Variants in EIPR1 observed in about 807,000 individuals in gnomAD.
EIPR1 encodes the protein EARP complex and GARP complex interacting protein 1, also known as EARP and GARP complex-interacting protein 1.
EIPR1 carries 25 observed loss-of-function variants against 48.1 expected under a neutral mutation model. The ratio of observed to expected loss-of-function variants is 0.52; its 90% CI spans 0.38 to 0.73. The LOEUF is 0.73. Among genes scored for constraint, EIPR1 ranks in the 30% least tolerant of loss-of-function variants. The pLI, the probability that EIPR1 is intolerant of heterozygous loss-of-function variation, is 0.00. For synonymous variants in EIPR1, 204 were observed against 201.9 expected, an observed-to-expected ratio of 1.01 and a Z score of -0.09; for missense variants, 415 against 506.2, an observed-to-expected ratio of 0.82 and a Z score of 1.73.
rs529627372 is a variant in EIPR1, at chr2:3,257,444, T to C, written c.271A>G (p.Lys91Glu). 4 of 1,614,216 alleles carry C rather than the reference T, an allele frequency of 2.5e-6. No homozygotes were observed. In the South Asian group the frequency reaches 3.3e-5, roughly 13 times the overall value. ...CACACGGCTGCACATGTCAGGACTT[T>C]GCTGTCTGAAGCTGAGCAACAGAGC... ...TTCYNRTSDS[K>E]VLTCAAVWRM... The change falls in exon 4 of 9, where the codon AAA becomes GAA. Residue 91 changes from lysine to glutamate, a missense_variant. By Grantham distance (56) the Lys-to-Glu change is moderately conservative. Coordinates refer to ENST00000382125, the MANE Select transcript of EIPR1 (RefSeq NM_003310.5).
At chr2:3,354,729 G>A (rs1224131408) in intron 1 of EIPR1, 96 bp from the exon 2 acceptor site, 1 of 1,191,958 alleles carries the variant, frequency 8.4e-7, no homozygotes, top group Non-Finnish European at 1.2e-6. Flanking sequence ...CTCATCTACT[G>A]TTGATAAAGT....
Position 3,257,363 on chromosome 2 carries a change from T to C in EIPR1, c.352A>G (p.Ser118Gly), listed in dbSNP as rs778662055. ...GSHESPDDSS[S>G]TAQTLELLCH... ...AGCAGCTCCAGGGTCTGTGCAGTGC[T>C]GGATGAATCATCAGGGGACTCGTGG... The change falls in exon 4 of 9, where the codon AGC becomes GGC. Residue 118 changes from serine (S) to glycine (G), a missense_variant. Transcript: ENST00000382125. 7.8e-5 allele frequency: 126 copies of C among 1,614,074 alleles called. No individual in the cohort carries two copies. The East Asian group carries it at 2.8e-3, about 36-fold the overall frequency.
chr2:3,335,505 G>A (rs1236085990), intron 3 of EIPR1, among the ~76,000 whole-genome samples: 2 of 152,142 alleles, frequency 1.3e-5, no homozygotes, highest in Non-Finnish European at 1.5e-5. Flanking sequence ...GTGGAGGAGA[G>A]GGCAAACGGG....
chr2:3,213,931 G>GT (rs1665538158), intron 5 of EIPR1, among the ~76,000 whole-genome samples: 1 of 151,894 alleles, frequency 6.6e-6, no homozygotes, highest in South Asian at 2.1e-4. Context: ...TACATGTGCC[G>GT]TGTTGGTGTG....
intron 3 of EIPR1, among the ~76,000 whole-genome samples, chr2:3,280,170 CA>C (rs1667972342): frequency 6.6e-6 from 1 of 152,186 alleles, no homozygotes; most frequent in Non-Finnish European, 1.5e-5. Context: ...GCAGTAATTC[CA>C]AAACACTCTT....
intron 2 of EIPR1, among the ~76,000 whole-genome samples, chr2:3,348,489 C>G (rs950958490): frequency 6.6e-6 from 1 of 152,176 alleles, no homozygotes; most frequent in Non-Finnish European, 1.5e-5. Context: ...GATCACACCC[C>G]CCAGGAAGAA....
intron 4 of EIPR1, among the ~76,000 whole-genome samples, chr2:3,242,749 T>G (rs923589363): frequency 2.0e-5 from 3 of 152,242 alleles, no homozygotes; most frequent in Admixed American, 2.0e-4. Context: ...GCTTACCAGT[T>G]GAACTTTGAG....
chr2:3,208,671 T>C (rs1665319975), intron 5 of EIPR1: 6 of 1,550,608 alleles, frequency 3.9e-6, no homozygotes, highest in Admixed American at 2.0e-5. Flanking sequence ...CTTGCAGTCA[T>C]AACTCAACCC....
chr2:3,295,556 A>G (rs1361355647), intron 3 of EIPR1, among the ~76,000 whole-genome samples: 56 of 69,282 alleles, frequency 8.1e-4, no homozygotes, highest in Middle Eastern at 0.016. Flanking sequence ...CATCCAGCCC[A>G]TCCTCTCTCC....
At chr2:3,190,840 G>A (rs1400494458) in intron 8 of EIPR1, among the ~76,000 whole-genome samples, 1 of 152,206 alleles carries the variant, frequency 6.6e-6, no homozygotes, top group Non-Finnish European at 1.5e-5. Context: ...TCTGGCTCAT[G>A]CCTGTAATCC....
chr2:3,351,050 G>A (rs1670561342), intron 2 of EIPR1, among the ~76,000 whole-genome samples: 1 of 147,500 alleles, frequency 6.8e-6, no homozygotes, highest in Non-Finnish European at 1.5e-5. Context: ...CCAGCCTGGA[G>A]TGCAGTGGTG....
At position 3,194,088 on chromosome 2, in the gene EIPR1, C is replaced by G; in HGVS notation, c.732G>C (p.Leu244Phe). ...CCTTACAGTCGTCTCCGCAGCTGGCCAAGTAGTACTGCTTATTGGGATTAA... is the reference window on the plus strand; with the variant it reads ...CCTTACAGTCGTCTCCGCAGCTGGCGAAGTAGTACTGCTTATTGGGATTAA... ...LDFNPNKQYY[L>F]ASCGDDCKVK... Residue 244 changes from leucine (L) to phenylalanine (F), a missense_variant, in exon 7 of 9, where the codon TTG (leucine) becomes TTC (phenylalanine). Transcript: ENST00000382125. The G allele has an allele frequency of 6.2e-7, 1 of 1,613,960 alleles. No individual in the cohort carries two copies. The highest frequency in any genetic ancestry group is 8.5e-7 in the Non-Finnish European group (1 of 1,180,020).
At chr2:3,243,169 G>C (rs1262702954) in intron 4 of EIPR1, among the ~76,000 whole-genome samples, 1 of 152,164 alleles carries the variant, frequency 6.6e-6, no homozygotes, top group Non-Finnish European at 1.5e-5. Flanking sequence ...CCCGTTTAAA[G>C]TCTGACAGAA....
Position 3,377,649 on chromosome 2 carries a change from TG to T in EIPR1, c.40del (p.Gln14ArgfsTer5), listed in dbSNP as rs1414807735. 28 of 1,575,278 alleles carry T rather than the reference TG, an allele frequency of 1.8e-5. No individual in the cohort carries two copies. Among genetic ancestry groups the T allele is most frequent in the Non-Finnish European group, 2.4e-5 (28 of 1,159,942 alleles). Reference sequence around the variant, plus strand: ...CCTGCCGCCCTCCCAGTGACCCACCTGGAACTCCAGCCCGTAGATCACTGGT... The same window carrying T: ...CCTGCCGCCCTCCCAGTGACCCACCTGAACTCCAGCCCGTAGATCACTGGT... Reference protein sequence around the residue: ...DAPVIYGLEFQARALTPQTAE... With the variant: ...DAPVIYGLEFXARALTPQTAE... On this transcript the variant is annotated frameshift_variant and splice_region_variant, in exon 1 of 9. Coordinates refer to ENST00000382125, the MANE Select transcript of EIPR1 (RefSeq NM_003310.5). LOFTEE classifies it high-confidence loss of function.
At chr2:3,228,488 G>T (rs749658246) in intron 4 of EIPR1, among the ~76,000 whole-genome samples, 1 of 152,250 alleles carries the variant, frequency 6.6e-6, no homozygotes, top group Non-Finnish European at 1.5e-5. Flanking sequence ...TGTCTCAGAT[G>T]AAACTTTGGA....
intron 3 of EIPR1, among the ~76,000 whole-genome samples, chr2:3,265,518 G>T (rs1667459747): frequency 6.6e-6 from 1 of 152,224 alleles, no homozygotes; most frequent in Admixed American, 6.5e-5. Flanking sequence ...GAAGGCAAAT[G>T]CTGTTAATAA....
intron 3 of EIPR1, among the ~76,000 whole-genome samples, chr2:3,317,468 T>C (rs1206302543): frequency 2.0e-5 from 3 of 152,132 alleles, no homozygotes; most frequent in Non-Finnish European, 4.4e-5. Flanking sequence ...GCTGAGGGCC[T>C]ACTGTGTGCC....
intron 1 of EIPR1, among the ~76,000 whole-genome samples, chr2:3,369,008 G>C (rs977508411): frequency 6.6e-6 from 1 of 151,870 alleles, no homozygotes; most frequent in Non-Finnish European, 1.5e-5. Context: ...TTCTCCATGG[G>C]ATTTGAATGT....
At chr2:3,306,299 T>C (rs920395363) in intron 3 of EIPR1, among the ~76,000 whole-genome samples, 1 of 152,248 alleles carries the variant, frequency 6.6e-6, no homozygotes, top group Non-Finnish European at 1.5e-5. Context: ...CCCCCTTCTG[T>C]TTCCCAGGTT....
Sources: gnomAD v4.1 joint callset for allele counts (sites outside exome capture counted in the v4.1 genomes callset) on GRCh38, gnomAD v4.1.1 for gene constraint, MANE v1.5 for transcripts, NCBI Gene and HGNC (gene_info 2026-07-23, HGNC 2026-07-21) for gene names.